The following WDR89 variants were observed in gnomAD, a reference collection of about 807,000 sequenced individuals.
WDR89 encodes WD repeat-containing protein 89.
A neutral mutation model predicts 29.1 loss-of-function variants in WDR89; 17 were observed. The observed-to-expected ratio is 0.58, with a 90% CI of 0.40 to 0.88. WDR89 has a LOEUF of 0.88. Ranked by LOEUF, WDR89 falls within the 40% of genes least tolerant of loss-of-function variation. The pLI, the probability that WDR89 is intolerant of heterozygous loss-of-function variation, is 0.00. For synonymous variants in WDR89, 138 were observed against 157.8 expected (o/e 0.87, Z 0.94); for missense variants, 396 against 456.3 (o/e 0.87, Z 1.20).
rs1488594908 is a variant in WDR89 at position 63,624,971 on chromosome 14, C to A, written c.-75G>T. 1 of 152,062 alleles carries A rather than the reference C, an allele frequency of 6.6e-6. No homozygotes were observed. Among genetic ancestry groups the A allele is most frequent in the Non-Finnish European group, 1.5e-5 (1 of 68,024 alleles). 9.4% of individuals were successfully genotyped at this position (152,062 alleles called of 1,614,324 possible). A position where few individuals can be genotyped will look rare whatever the true frequency, so the allele number is the denominator to read the frequency against. ...GGTATTTACTCAAGAGAAATGACAA[C>A]TTATGTCCGTACAAACACCTGTACA... is the stretch of plus-strand genomic sequence containing the variant. On this transcript the variant is annotated 5_prime_UTR_variant, in exon 2 of 3. Coordinates refer to ENST00000620954, the MANE Select transcript of WDR89 (RefSeq NM_080666.4).
intron 2 of WDR89, chr14:63,617,960 G>A (rs1421259766): frequency 1.3e-5 from 2 of 151,998 alleles, no homozygotes; most frequent in Non-Finnish European, 2.9e-5. Flanking sequence ...ACTTATTTTG[G>A]GGGGAGATAG....
chr14:63,605,706 C>A (rs1412574638), intron 2 of WDR89, among the ~76,000 whole-genome samples: 1 of 152,118 alleles, frequency 6.6e-6, no homozygotes, highest in Non-Finnish European at 1.5e-5. Context: ...GTGATCCACA[C>A]ACCTCGGTCT....
At chr14:63,602,719 C>A (rs1895131130) in intron 2 of WDR89, among the ~76,000 whole-genome samples, 1 of 151,050 alleles carries the variant, frequency 6.6e-6, no homozygotes, top group African/African-American at 2.4e-5. Flanking sequence ...TTGCGGTGAG[C>A]CGAGATCGCG....
At chr14:63,638,394 A>T (rs543730483) in intron 1 of WDR89, among the ~76,000 whole-genome samples, 1 of 152,346 alleles carries the variant, frequency 6.6e-6, no homozygotes, top group Admixed American at 6.5e-5. Flanking sequence ...TGAGTCCACC[A>T]TAGGCAACAT....
rs71120271 is a variant in WDR89, at chr14:63,620,004, CAAAAAA to C, written c.-32+4918_-32+4923del. Among the ~76,000 whole-genome samples the C allele has an allele frequency of 6.3e-4, 46 of 72,456 alleles. No homozygotes were observed. The South Asian group carries it at 0.017, about 27-fold the overall frequency. The allele number at this position is 72,456 out of a possible 152,430, so 47.5% of individuals were successfully genotyped here. ...TGGGTGACAGAGCGAGACTCCATCT[CAAAAAA>C]AAAAAAAAAAAAAAGAAAAAGAAGA... On this transcript the variant is annotated intron_variant, in intron 2 of 2. Coordinates refer to ENST00000620954, the MANE Select transcript of WDR89 (RefSeq NM_080666.4).
chr14:63,639,782 T>C (rs530577570), intron 1 of WDR89, among the ~76,000 whole-genome samples: 6 of 152,316 alleles, frequency 3.9e-5, no homozygotes, highest in Admixed American at 1.3e-4. Context: ...ATAGTGTCAG[T>C]TGCAGAAAAA....
intron 2 of WDR89, among the ~76,000 whole-genome samples, chr14:63,607,568 A>G (rs781335731): frequency 2.0e-5 from 3 of 152,170 alleles, no homozygotes; most frequent in Admixed American, 1.3e-4. Flanking sequence ...TCAGTTATAC[A>G]TATTTTACTG....
At chr14:63,640,926 C>T (rs1469565435) in intron 1 of WDR89, among the ~76,000 whole-genome samples, 1 of 149,494 alleles carries the variant, frequency 6.7e-6, no homozygotes, top group African/African-American at 2.4e-5. Context: ...GGTGAAATCC[C>T]GTCTCTACTA....
intron 2 of WDR89, among the ~76,000 whole-genome samples, chr14:63,624,024 A>G (rs928598513): frequency 6.6e-6 from 1 of 152,196 alleles, no homozygotes; most frequent in Non-Finnish European, 1.5e-5. Flanking sequence ...ACCTAAATGT[A>G]AAAGCAAGAA....
chr14:63,605,288 A>G (rs1772315749), intron 2 of WDR89, among the ~76,000 whole-genome samples: 1 of 151,712 alleles, frequency 6.6e-6, no homozygotes, highest in Non-Finnish European at 1.5e-5. Flanking sequence ...CTGCAAATTC[A>G]TGGCACAATG....
Position 63,599,918 on chromosome 14 carries a change from C to T in WDR89, c.25G>A (p.Ala9Thr), listed in dbSNP as rs753811409. 7.5e-6 allele frequency: 12 copies of T among 1,601,428 alleles called. No homozygotes were observed. Among genetic ancestry groups the T allele is most frequent in the Non-Finnish European group, 1.0e-5 (12 of 1,171,860 alleles). MEKIEEQF[A>T]NLHIVKCSLG... The stretch of plus-strand genomic sequence containing the variant: ...GAACATTTAACAATGTGCAGATTAG[C>T]AAATTGTTCCTCAATCTTTTCCATG... The change falls in exon 3 of 3, where the codon GCT becomes ACT. Residue 9 changes from alanine (A) to threonine (T), a missense_variant. Ala to Thr is a moderately conservative substitution (Grantham distance 58). Transcript: ENST00000620954.
chr14:63,611,644 T>C (rs536649630), intron 2 of WDR89, among the ~76,000 whole-genome samples: 15 of 152,194 alleles, frequency 9.9e-5, no homozygotes, highest in African/African-American at 3.6e-4. Flanking sequence ...GGGTGAAGGG[T>C]ATACAGGAAC....
intron 2 of WDR89, chr14:63,601,417 C>T: frequency 1.3e-6 from 1 of 791,836 alleles, no homozygotes; most frequent in Admixed American, 2.3e-5. Context: ...GTATGTAGGA[C>T]AAGTTCAAGG....
intron 1 of WDR89, among the ~76,000 whole-genome samples, chr14:63,635,091 C>T (rs887714909): frequency 6.6e-6 from 1 of 151,956 alleles, no homozygotes; most frequent in African/African-American, 2.4e-5. Flanking sequence ...GACACTATTC[C>T]ACAAGATAAC....
chr14:63,599,251 T>G lies in WDR89; in HGVS notation c.692A>C (p.Gln231Pro). The G allele has an allele frequency of 6.2e-7, 1 of 1,609,342 alleles. No individual in the cohort carries two copies. The highest frequency in any genetic ancestry group is 2.2e-5 in the East Asian group (1 of 44,824). Residue 231 changes from glutamine to proline, a missense_variant, in exon 3 of 3, where the codon CAG becomes CCG. Coordinates refer to ENST00000620954, the MANE Select transcript of WDR89 (RefSeq NM_080666.4). ...TTCATCATGTGTCATGCAGTAAATC[T>G]GTTTATAACCTTTCCCAGACCAACC... ...CIGWSGKGYK[Q>P]IYCMTHDEGF...
At chr14:63,611,569 T>G (rs1357319770) in intron 2 of WDR89, among the ~76,000 whole-genome samples, 1 of 151,960 alleles carries the variant, frequency 6.6e-6, no homozygotes, top group Non-Finnish European at 1.5e-5. Context: ...GTTAATAGTA[T>G]TATTCCAATG....
In WDR89 at chr14:63,599,319, T is replaced by C. The variant is rs1894934806; in HGVS notation, c.624A>G (p.Ala208=). ...AAATTGAGTTACAGGTTGTAACCAG[T>C]GCATCCTCCTCATTATCAATATTAA... ...FDINIDNEED[A]LVTTCNSISS... is the part of the protein sequence containing the mutation. The change falls in exon 3 of 3, where the codon GCA becomes GCG. Residue 208 remains alanine, a synonymous_variant. Coordinates refer to ENST00000620954, the MANE Select transcript of WDR89 (RefSeq NM_080666.4). 3 of 1,614,112 alleles carry C rather than the reference T, an allele frequency of 1.9e-6. No homozygotes were observed. The highest frequency in any genetic ancestry group is 2.2e-5 in the East Asian group (1 of 44,890).
chr14:63,623,401 G>A (rs1882831127), intron 2 of WDR89, among the ~76,000 whole-genome samples: 1 of 151,670 alleles, frequency 6.6e-6, no homozygotes, highest in African/African-American at 2.4e-5. Context: ...TAAGAAGGTA[G>A]ATTTAAATCC....
intron 2 of WDR89, among the ~76,000 whole-genome samples, chr14:63,624,662 AACAG>A: frequency 6.6e-6 from 1 of 152,178 alleles, no homozygotes. Flanking sequence ...AAAATATTTG[AACAG>A]ACACTTCACC....
Sources: allele counts gnomAD v4.1 joint callset (sites outside exome capture counted in the v4.1 genomes callset), GRCh38; gene constraint gnomAD v4.1.1; transcripts MANE v1.5; gene names NCBI Gene and HGNC (gene_info 2026-07-23, HGNC 2026-07-21).